The following HAPLN3 variants were observed in gnomAD, a reference collection of about 807,000 sequenced individuals.
HAPLN3 encodes the protein hyaluronan and proteoglycan link protein 3.
A neutral mutation model predicts 28.1 loss-of-function variants in HAPLN3; 28 were observed. That is an observed-to-expected ratio of 1.00 (90% confidence interval 0.74 to 1.37). The LOEUF (loss-of-function observed/expected upper bound fraction) is 1.37. Among genes scored for constraint, HAPLN3 ranks in the 40% most tolerant of loss-of-function variants. The pLI, the probability that HAPLN3 is intolerant of heterozygous loss-of-function variation, is 0.00. For synonymous variants in HAPLN3, 211 were observed against 213.1 expected (o/e 0.99, Z 0.09); for missense variants, 513 against 504.6 (o/e 1.02, Z -0.16).
At position 88,879,135 on chromosome 15, in the gene HAPLN3, C is replaced by A. The variant is rs2141655409; in HGVS notation, c.628G>T (p.Asp210Tyr). 6.2e-7 allele frequency: 1 copy of A among 1,613,686 alleles called. No individual in the cohort carries two copies. The highest frequency in any genetic ancestry group is 8.5e-7 in the Non-Finnish European group (1 of 1,179,918). ...TGCAGCCAGCCCGCGTTGCACCAGT[C>A]CAGGCCCTCCTCCCAGGCCCGGAAG... ...QLFRAWEEGL[D>Y]WCNAGWLQDA... The change falls in exon 4 of 5, where the codon GAC (aspartate) becomes TAC (tyrosine). Residue 210 changes from aspartate (D) to tyrosine (Y), a missense_variant. Asp to Tyr is a radical substitution (Grantham distance 160, BLOSUM62 -3). Transcript: ENST00000359595. The surrounding 1 kb of genome is among the most constrained non-coding windows in gnomAD (Gnocchi z 5.0).
chr15:88,889,582 C>A (rs970147334), intron 1 of HAPLN3, among the ~76,000 whole-genome samples: 1 of 152,110 alleles, frequency 6.6e-6, no homozygotes, highest in Non-Finnish European at 1.5e-5. Context: ...GTGATCCGCC[C>A]ACCTCGGCCT....
intron 2 of HAPLN3, among the ~76,000 whole-genome samples, chr15:88,885,561 A>G: frequency 6.6e-6 from 1 of 151,104 alleles, no homozygotes; most frequent in Non-Finnish European, 1.5e-5. Flanking sequence ...AGGTTCAAGC[A>G]ATTCTCCTGC....
In HAPLN3 at chr15:88,879,973, A is replaced by T; in HGVS notation, c.494-704T>A. 1 of 998,152 alleles carries T rather than the reference A, an allele frequency of 1.0e-6. No individual in the cohort carries two copies. The allele number at this position is 998,152 out of a possible 1,614,324, so 61.8% of individuals were successfully genotyped here. On this transcript the variant is annotated intron_variant, in intron 3 of 4. Transcript: ENST00000359595. The surrounding 1 kb of genome is among the most constrained non-coding windows in gnomAD (Gnocchi z 5.0). ...AATGAAACCTTAGGGAGTGGAGGTGACCCTAGGGGTCTGGGAAGGACACTT... is the reference window on the plus strand; with the variant it reads ...AATGAAACCTTAGGGAGTGGAGGTGTCCCTAGGGGTCTGGGAAGGACACTT...
chr15:88,883,896 G>A (rs8025485), intron 2 of HAPLN3, among the ~76,000 whole-genome samples: 34,670 of 151,892 alleles, frequency 0.23, 4,093 homozygotes, highest in Non-Finnish European at 0.25. Context: ...TGGCCAACAC[G>A]GTGAAGCCCC....
chr15:88,880,126 A>C lies in HAPLN3; in HGVS notation c.494-857T>G, dbSNP rs1445865700. On this transcript the variant is annotated intron_variant, in intron 3 of 4. Transcript: ENST00000359595. The surrounding 1 kb of genome is among the most constrained non-coding windows in gnomAD (Gnocchi z 6.0). ...GCGGCAGAGAAGCCCATGGGCCCTGACAGTCAGCTTGCAGCCTCTACGTGT... is the reference window on the plus strand; with the variant it reads ...GCGGCAGAGAAGCCCATGGGCCCTGCCAGTCAGCTTGCAGCCTCTACGTGT... 53 of 992,294 alleles carry C rather than the reference A, an allele frequency of 5.3e-5. No homozygotes were observed. Among genetic ancestry groups the C allele is most frequent in the Non-Finnish European group, 6.1e-5 (51 of 834,506 alleles). The allele number at this position is 992,294 out of a possible 1,614,324, so 61.5% of individuals were successfully genotyped here. A position where few individuals can be genotyped will look rare whatever the true frequency, so the allele number is the denominator to read the frequency against.
chr15:88,882,760 T>C (rs987930174), intron 2 of HAPLN3, among the ~76,000 whole-genome samples: 2 of 152,068 alleles, frequency 1.3e-5, no homozygotes, highest in African/African-American at 4.8e-5. Flanking sequence ...TCCCAACACT[T>C]TGAGAGGCCA....
At chr15:88,892,972 A>C (rs1567207968) in intron 1 of HAPLN3, 1 of 1,535,828 alleles carries the variant, frequency 6.5e-7, no homozygotes, top group Admixed American at 2.0e-5. Flanking sequence ...CAGCCCAGTC[A>C]CCTTGGCAGT....
intron 2 of HAPLN3, among the ~76,000 whole-genome samples, chr15:88,886,350 TAAA>T (rs532267599): frequency 1.6e-5 from 2 of 127,864 alleles, no homozygotes; most frequent in Non-Finnish European, 1.7e-5. Context: ...GACTCCATCT[TAAA>T]AAAAAAAAAA....
chr15:88,887,122 G>A (rs558131386), intron 2 of HAPLN3, 53 bp downstream of exon 2: 2 of 1,596,006 alleles, frequency 1.3e-6, no homozygotes, highest in Non-Finnish European at 1.7e-6. Flanking sequence ...CAAGAGCCAA[G>A]GAGGTCTAGG....
chr15:88,885,588 G>A (rs1945471344), intron 2 of HAPLN3, among the ~76,000 whole-genome samples: 1 of 151,862 alleles, frequency 6.6e-6, no homozygotes, highest in Non-Finnish European at 1.5e-5. Context: ...CTCCTGAGAA[G>A]CTGGGATTAA....
chr15:88,889,901 A>G (rs138528376), intron 1 of HAPLN3, among the ~76,000 whole-genome samples: 1 of 151,892 alleles, frequency 6.6e-6, no homozygotes, highest in African/African-American at 2.4e-5. Flanking sequence ...GGTCTTGTGA[A>G]TGCCTGTGTA....
chr15:88,887,450 G>T, intron 1 of HAPLN3, 105 bp from the exon 2 acceptor site: 2 of 1,038,058 alleles, frequency 1.9e-6, no homozygotes, highest in Non-Finnish European at 2.8e-6. Context: ...GCTCACTGCG[G>T]GACACCTGCC....
Position 88,893,435 on chromosome 15 carries a change from T to C in HAPLN3, c.-48+2024A>G, listed in dbSNP as rs551629597. 9.6e-4 allele frequency among the ~76,000 whole-genome samples: 144 copies of C among 149,882 alleles called. 1 individual carries two copies. Among genetic ancestry groups the C allele is most frequent in the Admixed American group, 3.4e-3 (51 of 15,046 alleles). On this transcript the variant is annotated intron_variant, in intron 1 of 4. Coordinates refer to ENST00000359595, the MANE Select transcript of HAPLN3 (RefSeq NM_178232.4). ...TCCAGCTCAAAAAAAAAAAATGGGC[T>C]GTGGTGACAATTATAGAAGATGTAT...
chr15:88,885,663 G>C (rs1897833545), intron 2 of HAPLN3, among the ~76,000 whole-genome samples: 1 of 152,132 alleles, frequency 6.6e-6, no homozygotes, highest in African/African-American at 2.4e-5. Context: ...CACCAGGTTG[G>C]TCAGAATGGT....
At chr15:88,882,381 C>T (rs1256865371) in intron 2 of HAPLN3, among the ~76,000 whole-genome samples, 1 of 152,188 alleles carries the variant, frequency 6.6e-6, no homozygotes, top group Admixed American at 6.5e-5. Flanking sequence ...GGTACATGGC[C>T]AGGACAAGTG....
intron 1 of HAPLN3, among the ~76,000 whole-genome samples, chr15:88,889,020 A>G (rs1897939889): frequency 6.6e-6 from 1 of 152,142 alleles, no homozygotes; most frequent in African/African-American, 2.4e-5. Context: ...GGATTGAGCC[A>G]ATGGGAGGCA....
intron 2 of HAPLN3, among the ~76,000 whole-genome samples, chr15:88,886,423 A>G (rs1897856902): frequency 6.6e-6 from 1 of 152,048 alleles, no homozygotes; most frequent in South Asian, 2.1e-4. Context: ...GAGACGACAT[A>G]TGCAAAATAT....
In HAPLN3 at chr15:88,879,151, G is replaced by C. The variant is rs375112707; in HGVS notation, c.612C>G (p.Ala204=). 3.1e-6 allele frequency: 5 copies of C among 1,613,700 alleles called. No individual in the cohort carries two copies. The African/African-American group carries it at 5.3e-5, about 17-fold the overall frequency. The change falls in exon 4 of 5, where the codon GCC becomes GCG. Residue 204 remains alanine (A), a synonymous_variant. Transcript: ENST00000359595. The surrounding 1 kb of genome is among the most constrained non-coding windows in gnomAD (Gnocchi z 5.0). The stretch of plus-strand genomic sequence containing the variant: ...TGCACCAGTCCAGGCCCTCCTCCCA[G>C]GCCCGGAAGAGCTGCTCAAAGGAGG... ...VVASFEQLFR[A]WEEGLDWCNA... is the part of the protein sequence containing the mutation.
chr15:88,879,825 C>T lies in HAPLN3; in HGVS notation c.494-556G>A, dbSNP rs1026862819. The T allele has an allele frequency of 3.5e-5, 37 of 1,068,642 alleles. No individual in the cohort carries two copies. Among genetic ancestry groups the T allele is most frequent in the Admixed American group, 4.9e-5 (1 of 20,570 alleles). The allele number at this position is 1,068,642 out of a possible 1,614,324, so 66.2% of individuals were successfully genotyped here. A position where few individuals can be genotyped will look rare whatever the true frequency, so the allele number is the denominator to read the frequency against. On this transcript the variant is annotated intron_variant, in intron 3 of 4. Transcript: ENST00000359595. The surrounding 1 kb of genome is among the most constrained non-coding windows in gnomAD (Gnocchi z 5.0). ...CAAGGGCAGGGAGGTCTGGGGCAGG[C>T]GGTTTCTCTCCTTGTGGTCAGGGTC...
Sources: allele counts gnomAD v4.1 joint callset (sites outside exome capture counted in the v4.1 genomes callset), GRCh38; gene constraint gnomAD v4.1.1; non-coding constraint Gnocchi (gnomAD v3.1); transcripts MANE v1.5; gene names NCBI Gene and HGNC (gene_info 2026-07-23, HGNC 2026-07-21).